ABCC11: variants seen among roughly 807,000 people sequenced by gnomAD.
ABCC11 encodes ATP binding cassette subfamily C member 11.
A neutral mutation model predicts 149.3 loss-of-function variants in ABCC11; 135 were observed. The ratio of observed to expected loss-of-function variants is 0.90; its 90% CI spans 0.79 to 1.04. The LOEUF (loss-of-function observed/expected upper bound fraction) is 1.04. ABCC11 is among the 50% of genes least tolerant of loss of function. ABCC11 has a pLI of 0.00. For missense variants in ABCC11, 1,680 were observed against 1,722.1 expected (o/e 0.98, Z 0.43); for synonymous variants, 665 against 671.4 (o/e 0.99, Z 0.15).
chr16:48,174,804 T>TTTTG (rs1242193748), intron 26 of ABCC11, among the ~76,000 whole-genome samples: 2 of 152,172 alleles, frequency 1.3e-5, no homozygotes, highest in Admixed American at 6.5e-5. Flanking sequence ...TGTTTCTGTT[T>TTTTG]TTTGTTTGTT....
chr16:48,203,132 G>T, intron 14 of ABCC11, 96 bp downstream of exon 14: 1 of 1,315,634 alleles, frequency 7.6e-7, no homozygotes, highest in Non-Finnish European at 1.1e-6. Context: ...GCTTTGGGAG[G>T]AAGAGCTGGG....
chr16:48,176,973 C>T lies in ABCC11; in HGVS notation c.3489G>A (p.Leu1163=). Residue 1163 remains leucine, a synonymous_variant, in exon 25 of 30, where the codon CTG becomes CTA. Coordinates refer to ENST00000356608, the MANE Select transcript of ABCC11 (RefSeq NM_001370497.1). ...CCACCACTTCGTGGCCGCGGATGGT[C>T]AGGTTGATGCCGTGAAGCACGGTGG... is the stretch of plus-strand genomic sequence containing the variant. The part of the protein sequence containing the change: ...NTPTVLHGIN[L]TIRGHEVVGI... 2 of 1,614,174 alleles carry T rather than the reference C, an allele frequency of 1.2e-6. No individual in the cohort carries two copies. The highest frequency in any genetic ancestry group is 1.7e-6 in the Non-Finnish European group (2 of 1,180,022).
chr16:48,174,975 T>C (rs538747591), intron 26 of ABCC11, among the ~76,000 whole-genome samples: 2 of 152,222 alleles, frequency 1.3e-5, no homozygotes, highest in African/African-American at 2.4e-5. Context: ...TAGCTCGGAC[T>C]ACGGCTGTGC....
At chr16:48,244,070 C>T (rs73555643) in intron 1 of ABCC11, 27,216 of 251,540 alleles carry the variant, frequency 0.11, 1,994 homozygotes, top group African/African-American at 0.23. Flanking sequence ...TGTAAAAAAT[C>T]GAAGAAAACG....
At chr16:48,174,905 T>C (rs1965944860) in intron 26 of ABCC11, among the ~76,000 whole-genome samples, 1 of 152,184 alleles carries the variant, frequency 6.6e-6, no homozygotes, top group East Asian at 1.9e-4. Context: ...GGCACAGTCA[T>C]AGTGTACTAC....
Position 48,232,118 on chromosome 16 carries a change from C to T in ABCC11, c.-18-179G>A, listed in dbSNP as rs534572081. Reference sequence around the variant, plus strand: ...CCTGTGCTTGATCCCTCTTTTTAAACATCTTCTCAGGCCTCAGGCCCAAAT... The same window carrying T: ...CCTGTGCTTGATCCCTCTTTTTAAATATCTTCTCAGGCCTCAGGCCCAAAT... On this transcript the variant is annotated intron_variant, in intron 1 of 29. Transcript: ENST00000356608. 9.9e-4 allele frequency: 1,333 copies of T among 1,346,506 alleles called. 1 individual carries two copies. Among genetic ancestry groups the T allele is most frequent in the Non-Finnish European group, 1.0e-3 (1,053 of 1,043,728 alleles). 83.4% of individuals were successfully genotyped at this position (1,346,506 alleles called of 1,614,324 possible).
rs1173299898 is a variant in ABCC11 at position 48,176,929 on chromosome 16, C to T, written c.3533G>A (p.Gly1178Asp). Reference sequence around the variant, plus strand: ...GCCCAGGAAGCTCAGCTCACCAGAGCCCGTCCTTCCCACGATGCCCACCAC... The same window carrying T: ...GCCCAGGAAGCTCAGCTCACCAGAGTCCGTCCTTCCCACGATGCCCACCAC... Reference protein sequence around the residue: ...HEVVGIVGRTGSGKSSLGMAL... With the variant: ...HEVVGIVGRTDSGKSSLGMAL... Residue 1178 changes from glycine to aspartate, a missense_variant, in exon 25 of 30, where the codon GGC becomes GAC. Transcript: ENST00000356608. 6.2e-7 allele frequency: 1 copy of T among 1,613,166 alleles called. No homozygotes were observed.
intron 22 of ABCC11, 144 bp from the exon 23 acceptor site, chr16:48,184,770 C>T: frequency 3.7e-6 from 3 of 818,690 alleles, no homozygotes; most frequent in Non-Finnish European, 5.6e-6. Flanking sequence ...GGAGTTCCTC[C>T]CTACCCCTTT....
At chr16:48,187,588 C>T (rs181703563) in intron 20 of ABCC11, among the ~76,000 whole-genome samples, 161 bp from the exon 21 acceptor site, 60 of 152,268 alleles carry the variant, frequency 3.9e-4, no homozygotes, top group African/African-American at 1.3e-3. Context: ...ATGGGCTCCA[C>T]GGCTACCTGA....
intron 6 of ABCC11, among the ~76,000 whole-genome samples, chr16:48,219,173 T>G (rs1456825222): frequency 9.0e-6 from 1 of 111,472 alleles, no homozygotes; most frequent in Admixed American, 8.2e-5. Context: ...TTTTGGGTTT[T>G]TTTTTTTTTT....
intron 14 of ABCC11, among the ~76,000 whole-genome samples, chr16:48,202,358 C>T (rs926715724): frequency 2.0e-5 from 3 of 152,090 alleles, no homozygotes; most frequent in African/African-American, 7.2e-5. Context: ...TGCCTGTAAT[C>T]GCAGCACTTT....
chr16:48,187,066 CACACCGA>C lies in ABCC11; in HGVS notation c.2951_2957del (p.Ile984SerfsTer24). ...GGCTATAGTTCTCCAGTCTCTTGAA[CACACCGA>C]TGGCCTTCTTGAACATCCTGCATGG... is the stretch of plus-strand genomic sequence containing the variant. On this transcript the variant is annotated frameshift_variant, in exon 22 of 30. Transcript: ENST00000356608. LOFTEE classifies it high-confidence loss of function. 6.2e-7 allele frequency: 1 copy of C among 1,614,192 alleles called. No homozygotes were observed. Among genetic ancestry groups the C allele is most frequent in the Non-Finnish European group, 8.5e-7 (1 of 1,180,030 alleles).
chr16:48,214,860 C>A (rs1337271922), intron 9 of ABCC11, 21 bp downstream of exon 9: 16 of 1,612,122 alleles, frequency 9.9e-6, no homozygotes, highest in Non-Finnish European at 1.4e-5. Context: ...GGGGAGAAAA[C>A]AAAGCCCCCC....
intron 7 of ABCC11, 92 bp downstream of exon 7, chr16:48,216,022 G>C: frequency 7.4e-7 from 1 of 1,353,094 alleles, no homozygotes; most frequent in Non-Finnish European, 1.0e-6. Flanking sequence ...AGGTCAACAA[G>C]AATCAATGTT....
At chr16:48,215,618 T>C (rs1391962985) in intron 7 of ABCC11, among the ~76,000 whole-genome samples, 2 of 152,208 alleles carry the variant, frequency 1.3e-5, no homozygotes, top group Non-Finnish European at 2.9e-5. Flanking sequence ...AAAATCATCT[T>C]TCCATCAGAG....
intron 4 of ABCC11, among the ~76,000 whole-genome samples, chr16:48,227,419 A>G (rs946928774): frequency 6.6e-6 from 1 of 151,384 alleles, no homozygotes; most frequent in Non-Finnish European, 1.5e-5. Flanking sequence ...GGTTGCAGTC[A>G]GCCGAGATTG....
chr16:48,187,806 G>A (rs1966838827), intron 20 of ABCC11, among the ~76,000 whole-genome samples: 1 of 152,196 alleles, frequency 6.6e-6, no homozygotes, highest in African/African-American at 2.4e-5. Flanking sequence ...CTATTAGAGA[G>A]AGAGAGAATA....
chr16:48,235,660 C>T (rs936631642), intron 1 of ABCC11, among the ~76,000 whole-genome samples: 4 of 152,186 alleles, frequency 2.6e-5, no homozygotes, highest in African/African-American at 9.7e-5. Flanking sequence ...ATTCCCTGGA[C>T]TCCCAATTCT....
rs143159850 is a variant in ABCC11 at position 48,245,621 on chromosome 16, GGA to G, written c.-19+1691_-19+1692del. Among the ~76,000 whole-genome samples the G allele has an allele frequency of 4.5e-3, 678 of 152,266 alleles. 7 individuals carry two copies. The highest frequency in any genetic ancestry group is 0.016 in the African/African-American group (649 of 41,550). On this transcript the variant is annotated intron_variant, in intron 1 of 29. Coordinates refer to ENST00000356608, the MANE Select transcript of ABCC11 (RefSeq NM_001370497.1). ...TAGCCCCTCCGTCCCAGGGAAACCA[GGA>G]GGTTGGTCACCCTAAATGTGCTGTA...
Sources: allele counts gnomAD v4.1 joint callset (sites outside exome capture counted in the v4.1 genomes callset), GRCh38; gene constraint gnomAD v4.1.1; transcripts MANE v1.5; gene names NCBI Gene and HGNC (gene_info 2026-07-23, HGNC 2026-07-21).